GABRG3: variants seen among roughly 807,000 people sequenced by gnomAD.
The protein encoded by GABRG3 is gamma-aminobutyric acid receptor subunit gamma-3.
In GABRG3, 25 loss-of-function variants were observed where a neutral mutation model predicts 48.8. The ratio of observed to expected loss-of-function variants is 0.51; its 90% CI spans 0.37 to 0.72. GABRG3 has a LOEUF of 0.72. GABRG3 is among the 30% of genes least tolerant of loss of function. GABRG3 has a pLI of 0.00. For synonymous variants in GABRG3, 227 were observed against 217.6 expected, an observed-to-expected ratio of 1.04 and a Z score of -0.38; for missense variants, 394 against 577.9, an observed-to-expected ratio of 0.68 and a Z score of 3.26.
At chr15:27,314,024 G>T (rs1893124695) in intron 3 of GABRG3, among the ~76,000 whole-genome samples, 1 of 152,022 alleles carries the variant, frequency 6.6e-6, no homozygotes, top group Non-Finnish European at 1.5e-5. Flanking sequence ...ACAAAGCTAA[G>T]AGTGTTTTCA....
At chr15:27,048,797 A>C (rs1896407583) in intron 3 of GABRG3, among the ~76,000 whole-genome samples, 1 of 152,224 alleles carries the variant, frequency 6.6e-6, no homozygotes, top group South Asian at 2.1e-4. Flanking sequence ...TGGCAACCTC[A>C]TCTCAGAGTC....
At chr15:27,353,765 A>T (rs930260412) in intron 5 of GABRG3, among the ~76,000 whole-genome samples, 1 of 152,112 alleles carries the variant, frequency 6.6e-6, no homozygotes, top group African/African-American at 2.4e-5. Flanking sequence ...GTTTTCAATC[A>T]TTCTCCAGAT....
chr15:27,261,420 C>T (rs1486168171), intron 3 of GABRG3, among the ~76,000 whole-genome samples: 1 of 151,896 alleles, frequency 6.6e-6, no homozygotes, highest in Admixed American at 6.6e-5. Flanking sequence ...CCAGTCCCCC[C>T]AGTGCCACTG....
intron 5 of GABRG3, among the ~76,000 whole-genome samples, chr15:27,394,351 T>A (rs1887235611): frequency 6.6e-6 from 1 of 152,130 alleles, no homozygotes; most frequent in Admixed American, 6.5e-5. Flanking sequence ...GAAATATTGC[T>A]TCAAATTTTA....
intron 3 of GABRG3, among the ~76,000 whole-genome samples, chr15:27,122,242 C>T (rs1335952025): frequency 6.6e-6 from 1 of 151,996 alleles, no homozygotes; most frequent in African/African-American, 2.4e-5. Flanking sequence ...TACTGTGTAC[C>T]CACAAAAATT....
chr15:27,040,867 G>A (rs887960300), intron 3 of GABRG3, among the ~76,000 whole-genome samples: 5 of 151,980 alleles, frequency 3.3e-5, no homozygotes, highest in African/African-American at 1.2e-4. Flanking sequence ...TATGAAGTTG[G>A]TTCTCCTTTC....
At chr15:27,305,561 CCTA>C (rs1160781972) in intron 3 of GABRG3, among the ~76,000 whole-genome samples, 1 of 139,876 alleles carries the variant, frequency 7.1e-6, no homozygotes, top group Non-Finnish European at 1.5e-5. Flanking sequence ...ATAATATAAA[CCTA>C]CGTGTTTATA....
intron 3 of GABRG3, among the ~76,000 whole-genome samples, chr15:27,134,987 G>A (rs1480172904): frequency 6.6e-6 from 1 of 152,162 alleles, no homozygotes; most frequent in East Asian, 1.9e-4. Context: ...GTTAGAGTCA[G>A]CTTTACAAAG....
chr15:27,308,117 CAAACATATAT>C (rs1317372703), intron 3 of GABRG3, among the ~76,000 whole-genome samples: 8 of 124,180 alleles, frequency 6.4e-5, no homozygotes, highest in Non-Finnish European at 1.2e-4. Context: ...TTTATACATC[CAAACATATAT>C]AAACATATAT....
intron 5 of GABRG3, among the ~76,000 whole-genome samples, chr15:27,452,458 A>G (rs2140642446): frequency 6.6e-6 from 1 of 152,342 alleles, no homozygotes; most frequent in Non-Finnish European, 1.5e-5. Flanking sequence ...TTGACTTCCC[A>G]GAAACTTAAC....
At chr15:27,408,587 A>G (rs1253137585) in intron 5 of GABRG3, among the ~76,000 whole-genome samples, 1 of 152,204 alleles carries the variant, frequency 6.6e-6, no homozygotes, top group Non-Finnish European at 1.5e-5. Context: ...AAGGTAAGAA[A>G]TGCAGCGGTA....
chr15:27,270,414 G>C (rs1185742476), intron 3 of GABRG3, among the ~76,000 whole-genome samples: 1 of 152,122 alleles, frequency 6.6e-6, no homozygotes, highest in Non-Finnish European at 1.5e-5. Context: ...CTGTTTGTTC[G>C]ACTCAGAAAT....
chr15:27,449,533 A>G (rs180958203), intron 5 of GABRG3, among the ~76,000 whole-genome samples: 35 of 152,376 alleles, frequency 2.3e-4, no homozygotes, highest in African/African-American at 7.9e-4. Context: ...GATGGTAGTT[A>G]AGCCAGAAAA....
chr15:27,271,240 C>A (rs1005604679), intron 3 of GABRG3, among the ~76,000 whole-genome samples: 4 of 152,192 alleles, frequency 2.6e-5, no homozygotes, highest in Non-Finnish European at 1.5e-5. Context: ...ACTTGCCCTG[C>A]ACGCTGAAAG....
intron 5 of GABRG3, among the ~76,000 whole-genome samples, chr15:27,388,264 A>T (rs142285564): frequency 0.023 from 957 of 42,234 alleles, 92 homozygotes; most frequent in East Asian, 0.031. Flanking sequence ...GAAGGAAAGG[A>T]GGGAGGGAGG....
intron 3 of GABRG3, among the ~76,000 whole-genome samples, chr15:27,287,410 AT>A (rs2074361667): frequency 6.6e-6 from 1 of 152,208 alleles, no homozygotes; most frequent in African/African-American, 2.4e-5. Context: ...ATAATAATTG[AT>A]TTATTAGATT....
intron 3 of GABRG3, among the ~76,000 whole-genome samples, chr15:27,104,439 T>A (rs908240432): frequency 6.6e-6 from 1 of 152,252 alleles, no homozygotes; most frequent in Non-Finnish European, 1.5e-5. Context: ...TTTAAAAATT[T>A]GTGTTTGTTT....
chr15:27,295,476 A>G (rs937860620), intron 3 of GABRG3, among the ~76,000 whole-genome samples: 1 of 152,146 alleles, frequency 6.6e-6, no homozygotes, highest in Non-Finnish European at 1.5e-5. Flanking sequence ...GGTAACCACA[A>G]GGGCTGGACA....
At chr15:27,396,981 G>A (rs1256857380) in intron 5 of GABRG3, among the ~76,000 whole-genome samples, 1 of 152,192 alleles carries the variant, frequency 6.6e-6, no homozygotes, top group Non-Finnish European at 1.5e-5. Flanking sequence ...GAGGTAGCAT[G>A]GGAAAATGTA....
Sources: gnomAD v4.1 joint callset for allele counts (sites outside exome capture counted in the v4.1 genomes callset) on GRCh38, gnomAD v4.1.1 for gene constraint, MANE v1.5 for transcripts, NCBI Gene and HGNC (gene_info 2026-07-23, HGNC 2026-07-21) for gene names.